TSPAN15: variants seen among roughly 807,000 people sequenced by gnomAD.
TSPAN15 encodes tetraspanin 15, also known as tetraspanin-15.
A neutral mutation model predicts 34.5 loss-of-function variants in TSPAN15; 20 were observed. The ratio of observed to expected loss-of-function variants is 0.58; its 90% confidence interval spans 0.41 to 0.84. The LOEUF (loss-of-function observed/expected upper bound fraction) is 0.84. TSPAN15 is among the 40% of genes least tolerant of loss of function. The pLI is 0.00. For missense variants in TSPAN15, 313 were observed against 386.1 expected, an observed-to-expected ratio of 0.81 and a Z score of 1.59; for synonymous variants, 155 against 153.9, an observed-to-expected ratio of 1.01 and a Z score of -0.05.
chr10:69,474,182 C>T (rs1011343192), intron 1 of TSPAN15, among the ~76,000 whole-genome samples: 9 of 151,706 alleles, frequency 5.9e-5, no homozygotes, highest in African/African-American at 1.7e-4. Flanking sequence ...CTCTCCCCAC[C>T]GCCTGCTCCT....
chr10:69,512,700 T>C, the TSPAN15 span, among the ~76,000 whole-genome samples: 1 of 152,248 alleles, frequency 6.6e-6, no homozygotes, highest in Non-Finnish European at 1.5e-5. Context: ...ATGCACTCTT[T>C]CTGTCTGGCT....
the TSPAN15 span, among the ~76,000 whole-genome samples, chr10:69,539,464 G>GAAGAAGAAGAAT: frequency 1.3e-3 from 67 of 51,294 alleles, no homozygotes; most frequent in South Asian, 7.0e-3. Context: ...GAAGAAGAAG[G>GAAGAAGAAGAAT]AGAAGGAGAA....
chr10:69,503,216 C>G (rs1446335689), intron 5 of TSPAN15, among the ~76,000 whole-genome samples: 1 of 152,096 alleles, frequency 6.6e-6, no homozygotes, highest in Non-Finnish European at 1.5e-5. Context: ...CGAGGGAGGT[C>G]GTCTTGCCTG....
chr10:69,457,341 G>A (rs1469968687), intron 1 of TSPAN15, among the ~76,000 whole-genome samples: 4 of 152,196 alleles, frequency 2.6e-5, no homozygotes, highest in Non-Finnish European at 4.4e-5. Context: ...AGGCCTGGCT[G>A]GGGGTGTAAC....
the TSPAN15 span, among the ~76,000 whole-genome samples, chr10:69,529,966 T>C: frequency 1.4e-5 from 2 of 147,718 alleles, no homozygotes; most frequent in Non-Finnish European, 3.0e-5. Flanking sequence ...CTGAGTTATT[T>C]CACTTAGAAT....
At chr10:69,461,031 C>T (rs1235812886) in intron 1 of TSPAN15, among the ~76,000 whole-genome samples, 2 of 152,126 alleles carry the variant, frequency 1.3e-5, no homozygotes, top group Non-Finnish European at 2.9e-5. Flanking sequence ...AGGGGTGAGG[C>T]TTAGATGAGG....
chr10:69,455,520 CTCTCTTTCTT>C lies in TSPAN15; in HGVS notation c.96+3844_96+3853del, dbSNP rs796349299. Among the ~76,000 whole-genome samples the C allele has an allele frequency of 1.8e-3, 269 of 148,424 alleles. 7 individuals carry two copies. The highest frequency in any genetic ancestry group is 6.3e-3 in the African/African-American group (251 of 40,130). ...TAGGTTGTTCCCAGTCTTTCTTTCC[CTCTCTTTCTT>C]TCTCTTTCTTTCTTTCTTCTCTCTC... is the stretch of plus-strand genomic sequence containing the variant. On this transcript the variant is annotated intron_variant, in intron 1 of 7. Coordinates refer to ENST00000373290, the MANE Select transcript of TSPAN15 (RefSeq NM_012339.5).
At chr10:69,459,081 T>C (rs1436085671) in intron 1 of TSPAN15, among the ~76,000 whole-genome samples, 1 of 141,084 alleles carries the variant, frequency 7.1e-6, no homozygotes, top group African/African-American at 2.7e-5. Context: ...TCAGAAGAGG[T>C]TGATGGGGGG....
intron 1 of TSPAN15, among the ~76,000 whole-genome samples, chr10:69,461,630 G>A (rs1841259897): frequency 6.6e-6 from 1 of 152,096 alleles, no homozygotes; most frequent in Non-Finnish European, 1.5e-5. Flanking sequence ...GGGTCAGAGT[G>A]TTCATTTCTG....
At chr10:69,462,162 T>TGTTG (rs1564598884) in intron 1 of TSPAN15, among the ~76,000 whole-genome samples, 1 of 118,528 alleles carries the variant, frequency 8.4e-6, no homozygotes, top group Non-Finnish European at 1.7e-5. Flanking sequence ...AAAGTTTTTT[T>TGTTG]TTTTTTTTTT....
chr10:69,547,058 C>T, the TSPAN15 span, among the ~76,000 whole-genome samples: 154 of 151,790 alleles, frequency 1.0e-3, no homozygotes, highest in African/African-American at 3.5e-3. Flanking sequence ...AAAAATTAAC[C>T]GGGCGTGGAA....
chr10:69,507,308 C>T lies in TSPAN15; in HGVS notation c.*330C>T, dbSNP rs1842353400. On this transcript the variant is annotated 3_prime_UTR_variant, in exon 8 of 8. Coordinates refer to ENST00000373290, the MANE Select transcript of TSPAN15 (RefSeq NM_012339.5). ...GGGCCCATTTCATCTCTGGCAGTGCCTTGGCGGTGGTATTCAAGGCAGTTT... is the reference window on the plus strand; with the variant it reads ...GGGCCCATTTCATCTCTGGCAGTGCTTTGGCGGTGGTATTCAAGGCAGTTT... 1 of 1,257,920 alleles carries T rather than the reference C, an allele frequency of 7.9e-7. No homozygotes were observed. The highest frequency in any genetic ancestry group is 1.6e-5 in the South Asian group (1 of 63,598). 77.9% of individuals were successfully genotyped at this position (1,257,920 alleles called of 1,614,324 possible).
intron 1 of TSPAN15, among the ~76,000 whole-genome samples, chr10:69,478,419 A>G (rs1362369444): frequency 6.6e-6 from 1 of 152,180 alleles, no homozygotes; most frequent in Admixed American, 6.5e-5. Context: ...TGGACCTCAA[A>G]TACTCCATGA....
chr10:69,517,798 C>T, the TSPAN15 span, among the ~76,000 whole-genome samples: 1 of 152,148 alleles, frequency 6.6e-6, no homozygotes, highest in Non-Finnish European at 1.5e-5. Flanking sequence ...GAGGGGCCTG[C>T]GTGGGAGCCA....
the TSPAN15 span, among the ~76,000 whole-genome samples, chr10:69,528,177 C>T: frequency 4.3e-3 from 641 of 148,496 alleles, 46 homozygotes; most frequent in African/African-American, 0.015. Flanking sequence ...TGGCTGCTGC[C>T]GCGGGGCAGG....
the TSPAN15 span, among the ~76,000 whole-genome samples, chr10:69,524,811 G>A: frequency 1.4e-5 from 2 of 140,522 alleles, 1 homozygote; most frequent in Admixed American, 1.5e-4. Flanking sequence ...ACGAAGTCTC[G>A]CTCTTGTCAC....
intron 1 of TSPAN15, among the ~76,000 whole-genome samples, chr10:69,482,274 CA>C (rs1841750056): frequency 6.6e-6 from 1 of 152,192 alleles, no homozygotes; most frequent in African/African-American, 2.4e-5. Flanking sequence ...ATGAGTGTGT[CA>C]GGGGAAGAGC....
At chr10:69,511,321 A>G (rs898950109), downstream of TSPAN15, among the ~76,000 whole-genome samples, 3 of 152,222 alleles carry the variant, frequency 2.0e-5, no homozygotes, top group Non-Finnish European at 4.4e-5. Flanking sequence ...GTATGTGTCC[A>G]GGAATTTATC....
intron 1 of TSPAN15, 69 bp downstream of exon 1, chr10:69,451,759 C>A: frequency 7.7e-7 from 1 of 1,294,900 alleles, no homozygotes; most frequent in Non-Finnish European, 1.0e-6. Flanking sequence ...CTCACTGGCC[C>A]GGGGTTGGGT....
Sources: allele counts gnomAD v4.1 joint callset (sites outside exome capture counted in the v4.1 genomes callset), GRCh38; gene constraint gnomAD v4.1.1; transcripts MANE v1.5; gene names NCBI Gene and HGNC (gene_info 2026-07-23, HGNC 2026-07-21).